SMOC2: variants seen among roughly 807,000 people sequenced by gnomAD.
The protein encoded by SMOC2 is SPARC related modular calcium binding 2.
A neutral mutation model predicts 61.4 loss-of-function variants in SMOC2; 39 were observed. The ratio of observed to expected loss-of-function variants is 0.64; its 90% CI spans 0.49 to 0.83. SMOC2 has a LOEUF of 0.83. Among genes scored for constraint, SMOC2 ranks in the 40% least tolerant of loss-of-function variants. SMOC2 has a pLI of 0.00. For synonymous variants in SMOC2, 247 were observed against 239.9 expected (o/e 1.03, Z -0.27); for missense variants, 556 against 592.9 (o/e 0.94, Z 0.65).
In SMOC2 at chr6:168,453,781, A is replaced by G. The variant is rs1781518741; in HGVS notation, c.84+12327A>G. 6.7e-6 allele frequency among the ~76,000 whole-genome samples: 1 copy of G among 149,150 alleles called. No individual in the cohort carries two copies. Among genetic ancestry groups the G allele is most frequent in the Non-Finnish European group, 1.5e-5 (1 of 67,368 alleles). The stretch of plus-strand genomic sequence containing the variant: ...CCTCTTTCTCTGTCTCTCTGATTCT[A>G]TCTCTTGGTCTCTGTCATTCTCCAT... On this transcript the variant is annotated intron_variant, in intron 1 of 12. Transcript: ENST00000356284. The surrounding 1 kb of genome is among the most constrained non-coding windows in gnomAD (Gnocchi z 4.4).
At chr6:168,560,411 C>T (rs947903586) in intron 7 of SMOC2, among the ~76,000 whole-genome samples, 1 of 152,242 alleles carries the variant, frequency 6.6e-6, no homozygotes, top group African/African-American at 2.4e-5. Context: ...TGGTTACTGA[C>T]AAACAGTCTT....
intron 9 of SMOC2, among the ~76,000 whole-genome samples, chr6:168,636,953 TCTTTCCTCCCTCCTCCCTCCTG>T (rs375345076): frequency 0.01 from 1,164 of 113,084 alleles, 20 homozygotes; most frequent in African/African-American, 0.04. Context: ...TCTTCCCTCC[TCTTTCCTCCCTCCTCCCTCCTG>T]CTTTCCTCCC....
chr6:168,666,647 G>A lies in SMOC2; in HGVS notation c.*209G>A, dbSNP rs1787669722. ...AGAAAATTAATCACATACAATGTAT[G>A]TGTCCTCTTTTGACCTTGGAAATCT... On this transcript the variant is annotated 3_prime_UTR_variant, in exon 13 of 13. Transcript: ENST00000356284. 1.6e-6 allele frequency: 1 copy of A among 609,260 alleles called. No homozygotes were observed. The highest frequency in any genetic ancestry group is 3.0e-5 in the Admixed American group (1 of 32,836). 37.7% of individuals were successfully genotyped at this position (609,260 alleles called of 1,614,324 possible).
At chr6:168,484,913 A>G (rs550553508) in intron 1 of SMOC2, among the ~76,000 whole-genome samples, 1 of 152,332 alleles carries the variant, frequency 6.6e-6, no homozygotes, top group East Asian at 1.9e-4. Flanking sequence ...TCATAGAGAC[A>G]AAGTAGAATC....
chr6:168,624,128 G>T (rs112449865), intron 9 of SMOC2, among the ~76,000 whole-genome samples: 1,672 of 152,312 alleles, frequency 0.011, 29 homozygotes, highest in African/African-American at 0.039. Context: ...ATTCAAAATG[G>T]CAAATATTTA....
chr6:168,502,235 G>T (rs957277142), intron 1 of SMOC2, among the ~76,000 whole-genome samples: 1 of 152,152 alleles, frequency 6.6e-6, no homozygotes, highest in Non-Finnish European at 1.5e-5. Flanking sequence ...ACACTTTCTC[G>T]TGCACTATCA....
Position 168,553,360 on chromosome 6 carries a change from T to C in SMOC2, c.637+4157T>C, listed in dbSNP as rs1314214010. ...GTTTTATTACTCTTTTCATAGAAGA[T>C]ACATAAACTAGTTACAAGATTTTAT... On this transcript the variant is annotated intron_variant, in intron 7 of 12. Coordinates refer to ENST00000356284, the MANE Select transcript of SMOC2 (RefSeq NM_001166412.2). This position sits in a 1 kb window ranked among gnomAD's most constrained non-coding sequence, Gnocchi z 4.2. Among the ~76,000 whole-genome samples, 1 of 152,222 alleles carries C rather than the reference T, an allele frequency of 6.6e-6. No individual in the cohort carries two copies. Among genetic ancestry groups the C allele is most frequent in the Non-Finnish European group, 1.5e-5 (1 of 68,036 alleles).
intron 1 of SMOC2, among the ~76,000 whole-genome samples, chr6:168,509,034 A>G (rs1225161349): frequency 6.6e-6 from 1 of 151,090 alleles, no homozygotes; most frequent in Non-Finnish European, 1.5e-5. Flanking sequence ...GTCTGGCCTG[A>G]TGGAGGCCTG....
intron 11 of SMOC2, among the ~76,000 whole-genome samples, chr6:168,657,306 C>T (rs1391375221): frequency 6.6e-6 from 1 of 152,256 alleles, no homozygotes; most frequent in African/African-American, 2.4e-5. Flanking sequence ...GTCATCAGCA[C>T]TTTGATCTGA....
At chr6:168,606,853 C>T (rs1785706816) in intron 8 of SMOC2, among the ~76,000 whole-genome samples, 3 of 152,106 alleles carry the variant, frequency 2.0e-5, no homozygotes, top group African/African-American at 7.2e-5. Context: ...TGTTGGCGGG[C>T]ACTGCGTCTC....
At chr6:168,456,520 G>A (rs1781592100) in intron 1 of SMOC2, among the ~76,000 whole-genome samples, 2 of 152,172 alleles carry the variant, frequency 1.3e-5, no homozygotes, top group African/African-American at 2.4e-5. Flanking sequence ...GGTCTCTCAC[G>A]GAGACTCCCC....
At chr6:168,520,268 G>A (rs1231066737) in intron 2 of SMOC2, among the ~76,000 whole-genome samples, 2 of 152,166 alleles carry the variant, frequency 1.3e-5, no homozygotes, top group African/African-American at 2.4e-5. Context: ...TCAAAATTAC[G>A]GGTGGGTAAA....
chr6:168,575,715 C>G (rs1027218938), intron 7 of SMOC2, among the ~76,000 whole-genome samples: 1 of 152,204 alleles, frequency 6.6e-6, no homozygotes, highest in East Asian at 1.9e-4. Context: ...AACGGACTTG[C>G]GCCAGGCTCC....
intron 7 of SMOC2, among the ~76,000 whole-genome samples, chr6:168,598,411 T>A (rs566436310): frequency 6.6e-6 from 1 of 152,302 alleles, no homozygotes; most frequent in African/African-American, 2.4e-5. Flanking sequence ...CCAGCCTCAA[T>A]GACACGTGGC....
chr6:168,554,312 G>A (rs1445113215), intron 7 of SMOC2, among the ~76,000 whole-genome samples: 3 of 152,192 alleles, frequency 2.0e-5, no homozygotes, highest in Non-Finnish European at 4.4e-5. Context: ...AACTTGTCTC[G>A]ATTTCCATCA....
At chr6:168,480,787 AAT>A (rs1782188726) in intron 1 of SMOC2, among the ~76,000 whole-genome samples, 1 of 152,206 alleles carries the variant, frequency 6.6e-6, no homozygotes, top group Non-Finnish European at 1.5e-5. Context: ...CCAAACTTTC[AAT>A]AGACAAAGAG....
At chr6:168,624,471 AGTT>A (rs1208131445) in intron 9 of SMOC2, among the ~76,000 whole-genome samples, 1 of 152,224 alleles carries the variant, frequency 6.6e-6, no homozygotes, top group African/African-American at 2.4e-5. Flanking sequence ...ATTGTTATGA[AGTT>A]GTCCTCTCAT....
chr6:168,525,060 C>T (rs1454264767), intron 2 of SMOC2, among the ~76,000 whole-genome samples: 1 of 152,232 alleles, frequency 6.6e-6, no homozygotes, highest in African/African-American at 2.4e-5. Flanking sequence ...GGAGTCGAGA[C>T]GGCCTTTGTG....
chr6:168,632,692 T>C (rs957567617), intron 9 of SMOC2, among the ~76,000 whole-genome samples: 2 of 152,232 alleles, frequency 1.3e-5, no homozygotes, highest in African/African-American at 4.8e-5. Flanking sequence ...GTTTATGCAA[T>C]TTCTGTTTGA....
Sources: allele counts gnomAD v4.1 joint callset (sites outside exome capture counted in the v4.1 genomes callset), GRCh38; gene constraint gnomAD v4.1.1; non-coding constraint Gnocchi (gnomAD v3.1); transcripts MANE v1.5; gene names NCBI Gene and HGNC (gene_info 2026-07-23, HGNC 2026-07-21).